The following PHF19 variants were observed in gnomAD, a reference collection of about 807,000 sequenced individuals.
PHF19 encodes PHD finger protein 19.
PHF19 carries 21 observed loss-of-function variants against 79.8 expected under a neutral mutation model. The ratio of observed to expected loss-of-function variants is 0.26; its 90% CI spans 0.19 to 0.38. PHF19 has a LOEUF of 0.38. Ranked by LOEUF, PHF19 falls within the 10% of genes least tolerant of loss-of-function variation. The probability of loss-of-function intolerance (pLI) is 1.00; values close to 1 mark genes in which losing one functional copy is unlikely to be tolerated. For synonymous variants in PHF19, 273 were observed against 296.3 expected, an observed-to-expected ratio of 0.92 and a Z score of 0.81; for missense variants, 445 against 744.2, an observed-to-expected ratio of 0.60 and a Z score of 4.68.
chr9:120,873,160 C>T (rs943137290), intron 3 of PHF19, among the ~76,000 whole-genome samples: 3 of 152,142 alleles, frequency 2.0e-5, no homozygotes, highest in African/African-American at 7.2e-5. Context: ...TGCTTCTTAC[C>T]CTGCTAGGGG....
chr9:120,897,836 G>A (rs1006759054), upstream of PHF19, among the ~76,000 whole-genome samples: 43 of 151,842 alleles, frequency 2.8e-4, no homozygotes, highest in Non-Finnish European at 4.3e-4. Context: ...AAAATGAGCC[G>A]GGTGTGGTGG....
At position 120,869,542 on chromosome 9, in the gene PHF19, A is replaced by G; in HGVS notation, c.466-212T>C. The G allele has an allele frequency of 7.0e-7, 1 of 1,426,872 alleles. No homozygotes were observed. The highest frequency in any genetic ancestry group is 9.2e-7 in the Non-Finnish European group (1 of 1,085,268). The allele number at this position is 1,426,872 out of a possible 1,614,324, so 88.4% of individuals were successfully genotyped here. A position where few individuals can be genotyped will look rare whatever the true frequency, so the allele number is the denominator to read the frequency against. ...TCCGTTGATAACAGAATTAAGAGTA[A>G]TAAGCGCAATAAAGGCAACAATTAC... is the stretch of plus-strand genomic sequence containing the variant. On this transcript the variant is annotated intron_variant, in intron 5 of 14. Transcript: ENST00000373896. The surrounding 1 kb of genome is among the most constrained non-coding windows in gnomAD (Gnocchi z 5.8).
upstream of PHF19, among the ~76,000 whole-genome samples, chr9:120,877,695 A>G (rs1322572325): frequency 1.3e-5 from 2 of 152,196 alleles, no homozygotes; most frequent in Admixed American, 6.5e-5. Flanking sequence ...AGGCCACACA[A>G]CACCTTGCAC....
rs1473955326 is a variant in PHF19 at position 120,870,985 on chromosome 9, C to A, written c.269-447G>T. Among the ~76,000 whole-genome samples, 2 of 152,188 alleles carry A rather than the reference C, an allele frequency of 1.3e-5. No homozygotes were observed. The highest frequency in any genetic ancestry group is 1.5e-5 in the Non-Finnish European group (1 of 68,038). ...TGGTGTGATCTTGTCTCACTGCAACCTCCGCCTCCCTGGTTCAAGCAATTC... is the reference window on the plus strand; with the variant it reads ...TGGTGTGATCTTGTCTCACTGCAACATCCGCCTCCCTGGTTCAAGCAATTC... On this transcript the variant is annotated intron_variant, in intron 3 of 14. Transcript: ENST00000373896. This position sits in a 1 kb window ranked among gnomAD's most constrained non-coding sequence, Gnocchi z 4.4.
At chr9:120,896,947 T>C (rs2046407833), upstream of PHF19, among the ~76,000 whole-genome samples, 1 of 152,180 alleles carries the variant, frequency 6.6e-6, no homozygotes, top group Non-Finnish European at 1.5e-5. Context: ...CTGCCCAGAG[T>C]GTAGTGGGCA....
chr9:120,857,930 C>T lies in PHF19; in HGVS notation c.*14G>A. 6.6e-7 allele frequency: 1 copy of T among 1,504,682 alleles called. No homozygotes were observed. The highest frequency in any genetic ancestry group is 9.0e-7 in the Non-Finnish European group (1 of 1,105,954). 93.2% of individuals were successfully genotyped at this position (1,504,682 alleles called of 1,614,324 possible). On this transcript the variant is annotated 3_prime_UTR_variant, in exon 15 of 15. Coordinates refer to ENST00000373896, the MANE Select transcript of PHF19 (RefSeq NM_015651.3). Reference sequence around the variant, plus strand: ...CCTTTGGTTTTCAGGACCCCTGGCACCCCCGGGGGCTAGTCAGTAAGGGGT... The same window carrying T: ...CCTTTGGTTTTCAGGACCCCTGGCATCCCCGGGGGCTAGTCAGTAAGGGGT...
Position 120,870,079 on chromosome 9 carries a change from T to A in PHF19, c.365-134A>T. ...GCCTGCCAGCTGCCGGGAGCCTGGC[T>A]GCTGGTGCCCACCAAGATGGCCAAG... On this transcript the variant is annotated intron_variant, in intron 4 of 14. Coordinates refer to ENST00000373896, the MANE Select transcript of PHF19 (RefSeq NM_015651.3). This position sits in a 1 kb window ranked among gnomAD's most constrained non-coding sequence, Gnocchi z 4.4. 2.3e-6 allele frequency: 3 copies of A among 1,303,360 alleles called. No individual in the cohort carries two copies. Among genetic ancestry groups the A allele is most frequent in the Non-Finnish European group, 3.1e-6 (3 of 961,260 alleles). 80.7% of individuals were successfully genotyped at this position (1,303,360 alleles called of 1,614,324 possible).
At position 120,869,090 on chromosome 9, in the gene PHF19, G is replaced by T; in HGVS notation, c.614+92C>A. On this transcript the variant is annotated intron_variant, in intron 6 of 14. Transcript: ENST00000373896. The surrounding 1 kb of genome is among the most constrained non-coding windows in gnomAD (Gnocchi z 5.8). ...CGCCCTCAAGGTCCCCGCCTTGGCTGACACGCCAGGCTCGCTCCCTATGGG... is the reference window on the plus strand; with the variant it reads ...CGCCCTCAAGGTCCCCGCCTTGGCTTACACGCCAGGCTCGCTCCCTATGGG... 1 of 1,363,956 alleles carries T rather than the reference G, an allele frequency of 7.3e-7. No individual in the cohort carries two copies. The highest frequency in any genetic ancestry group is 1.5e-5 in the South Asian group (1 of 68,778). 84.5% of individuals were successfully genotyped at this position (1,363,956 alleles called of 1,614,324 possible). A position where few individuals can be genotyped will look rare whatever the true frequency, so the allele number is the denominator to read the frequency against.
upstream of PHF19, among the ~76,000 whole-genome samples, chr9:120,897,644 T>TA (rs941134757): frequency 7.2e-5 from 11 of 152,326 alleles, no homozygotes; most frequent in Middle Eastern, 0.014. Context: ...AATTTTTTTT[T>TA]ATCATTTCAA....
chr9:120,864,394 T>C (rs1396255523), intron 9 of PHF19, among the ~76,000 whole-genome samples: 1 of 152,172 alleles, frequency 6.6e-6, no homozygotes, highest in African/African-American at 2.4e-5. Context: ...TCATGGAATC[T>C]ATATATCTGC....
At chr9:120,897,744 C>T (rs866911399), upstream of PHF19, among the ~76,000 whole-genome samples, 7 of 151,952 alleles carry the variant, frequency 4.6e-5, no homozygotes, top group African/African-American at 7.2e-5. Flanking sequence ...CTTGGCAGGC[C>T]GAGGCAGGCG....
At chr9:120,877,274 G>T, upstream of PHF19, 1 of 909,828 alleles carries the variant, frequency 1.1e-6, no homozygotes, top group Non-Finnish European at 1.3e-6. Context: ...GCGGCGGAGG[G>T]AGGGGCCGGG....
At chr9:120,894,370 C>T (rs961330141) in intron 1 of PHF19, among the ~76,000 whole-genome samples, 3 of 152,214 alleles carry the variant, frequency 2.0e-5, no homozygotes, top group Non-Finnish European at 2.9e-5. Context: ...GAATGCCAAC[C>T]TTAGGACCTC....
At chr9:120,876,001 A>C (rs1010015389) in intron 1 of PHF19, 2 of 152,648 alleles carry the variant, frequency 1.3e-5, no homozygotes, top group African/African-American at 4.8e-5. Flanking sequence ...TGTTGTGACT[A>C]TCTGTTCACA....
Position 120,861,076 on chromosome 9 carries a change from C to A in PHF19, c.1304+13G>T. On this transcript the variant is annotated intron_variant, in intron 13 of 14. Transcript: ENST00000373896. ...TCCAGAGCAGACCTCTGTGCTAGGT[C>A]CCTCACTGATACCTTTTTAAACTTT... 6.8e-7 allele frequency: 1 copy of A among 1,474,600 alleles called. No homozygotes were observed. The highest frequency in any genetic ancestry group is 1.1e-5 in the South Asian group (1 of 88,246). The allele number at this position is 1,474,600 out of a possible 1,614,324, so 91.3% of individuals were successfully genotyped here. A position where few individuals can be genotyped will look rare whatever the true frequency, so the allele number is the denominator to read the frequency against.
intron 1 of PHF19, among the ~76,000 whole-genome samples, chr9:120,889,597 C>T (rs889085259): frequency 2.2e-4 from 32 of 147,176 alleles, no homozygotes; most frequent in African/African-American, 7.8e-4. Flanking sequence ...AAAAATTAGC[C>T]TGGTGTGGTG....
chr9:120,860,385 G>C lies in PHF19; in HGVS notation c.1305-200C>G. On this transcript the variant is annotated intron_variant, in intron 13 of 14. Transcript: ENST00000373896. This position sits in a 1 kb window ranked among gnomAD's most constrained non-coding sequence, Gnocchi z 4.1. ...CAAGAAGTCAAAAAAACCTCCTGGA[G>C]CACCCTCCCCTGGCGGTGACGTAAG... The C allele has an allele frequency of 1.8e-6, 1 of 561,494 alleles. No individual in the cohort carries two copies. Among genetic ancestry groups the C allele is most frequent in the Non-Finnish European group, 3.2e-6 (1 of 311,226 alleles). The allele number at this position is 561,494 out of a possible 1,614,324, so 34.8% of individuals were successfully genotyped here. A position where few individuals can be genotyped will look rare whatever the true frequency, so the allele number is the denominator to read the frequency against.
At chr9:120,890,571 C>A (rs962535427) in intron 1 of PHF19, among the ~76,000 whole-genome samples, 1 of 152,106 alleles carries the variant, frequency 6.6e-6, no homozygotes, top group East Asian at 1.9e-4. Flanking sequence ...AAGGATGAGG[C>A]CCTGAATCTG....
chr9:120,879,574 A>G (rs956554046), upstream of PHF19, among the ~76,000 whole-genome samples: 7 of 152,358 alleles, frequency 4.6e-5, no homozygotes, highest in South Asian at 2.1e-4. Flanking sequence ...ATGAAGGAGC[A>G]GGTGCTTTTG....
Sources: allele counts gnomAD v4.1 joint callset (sites outside exome capture counted in the v4.1 genomes callset), GRCh38; gene constraint gnomAD v4.1.1; non-coding constraint Gnocchi (gnomAD v3.1); transcripts MANE v1.5; gene names NCBI Gene and HGNC (gene_info 2026-07-23, HGNC 2026-07-21).